The following ERBB4 variants were observed in gnomAD, a reference collection of about 807,000 sequenced individuals.
ERBB4 encodes the protein receptor tyrosine-protein kinase erbB-4.
Under a neutral mutation model 158.0 loss-of-function variants are expected in ERBB4, and 42 were observed. The ratio of observed to expected loss-of-function variants is 0.27; its 90% CI spans 0.21 to 0.34. ERBB4 has a LOEUF of 0.34. Among genes scored for constraint, ERBB4 ranks in the 10% least tolerant of loss-of-function variants. The probability of loss-of-function intolerance (pLI) is 1.00; values close to 1 mark genes in which losing one functional copy is unlikely to be tolerated. For synonymous variants in ERBB4, 583 were observed against 558.7 expected (o/e 1.04, Z -0.61); for missense variants, 1,333 against 1,624.1 (o/e 0.82, Z 3.08).
At chr2:212,046,353 C>CAGT (rs1368947948) in intron 2 of ERBB4, among the ~76,000 whole-genome samples, 1 of 152,162 alleles carries the variant, frequency 6.6e-6, no homozygotes, top group Non-Finnish European at 1.5e-5. Context: ...ACATAGTAAA[C>CAGT]AGTAGCACAG....
chr2:211,607,119 A>G (rs2069012108), intron 19 of ERBB4, among the ~76,000 whole-genome samples: 1 of 152,142 alleles, frequency 6.6e-6, no homozygotes, highest in Non-Finnish European at 1.5e-5. Context: ...GGGCCCTTAG[A>G]TCTTAATTAT....
chr2:211,428,376 C>T (rs368063037), intron 22 of ERBB4, 32 bp downstream of exon 22: 2 of 1,301,946 alleles, frequency 1.5e-6, no homozygotes, highest in Non-Finnish European at 2.2e-6. Context: ...TTTTGCTTTA[C>T]AAGCTTTAAT....
At chr2:211,448,326 A>G (rs2064161666) in intron 20 of ERBB4, among the ~76,000 whole-genome samples, 1 of 152,088 alleles carries the variant, frequency 6.6e-6, no homozygotes, top group South Asian at 2.1e-4. Context: ...ACTCTGCTGG[A>G]TTTTCCAGCT....
At chr2:211,818,472 A>C (rs2105934890) in intron 3 of ERBB4, among the ~76,000 whole-genome samples, 1 of 152,224 alleles carries the variant, frequency 6.6e-6, no homozygotes, top group East Asian at 1.9e-4. Flanking sequence ...TGTGCTAGTT[A>C]GATAAATGTG....
chr2:212,075,751 T>A (rs2078255832), intron 2 of ERBB4, among the ~76,000 whole-genome samples: 1 of 151,918 alleles, frequency 6.6e-6, no homozygotes, highest in African/African-American at 2.4e-5. Context: ...CCCATATAAC[T>A]TACTAAGAAG....
intron 11 of ERBB4, 29 bp from the exon 12 acceptor site, chr2:211,702,195 C>A (rs1258546152): frequency 6.5e-7 from 1 of 1,541,252 alleles, no homozygotes; most frequent in South Asian, 1.1e-5. Flanking sequence ...GAAAACGGAA[C>A]CATGAAACGC....
intron 19 of ERBB4, among the ~76,000 whole-genome samples, chr2:211,565,366 C>CAAAAAGTTAGCATATGATACATAGGCT (rs2067516910): frequency 1.3e-5 from 2 of 151,836 alleles, no homozygotes; most frequent in East Asian, 3.9e-4. Context: ...TTGCTGGTTG[C>CAAAAAGTTAGCATATGATACATAGGCT]AAAAAGTTAG....
At chr2:212,101,628 C>T (rs2079086314) in intron 2 of ERBB4, among the ~76,000 whole-genome samples, 1 of 151,710 alleles carries the variant, frequency 6.6e-6, no homozygotes, top group African/African-American at 2.4e-5. Flanking sequence ...CTCTTATCAC[C>T]CTGAACTGAA....
intron 3 of ERBB4, among the ~76,000 whole-genome samples, chr2:211,941,141 G>C (rs925846952): frequency 6.6e-6 from 1 of 151,974 alleles, no homozygotes; most frequent in Non-Finnish European, 1.5e-5. Context: ...GGACTCTTCC[G>C]AAGAATGTGC....
chr2:212,066,960 A>G (rs1469194273), intron 2 of ERBB4, among the ~76,000 whole-genome samples: 1 of 152,006 alleles, frequency 6.6e-6, no homozygotes, highest in African/African-American at 2.4e-5. Context: ...AATTAATTAC[A>G]TTAGACTGAA....
At chr2:211,678,747 A>C (rs950760528) in intron 13 of ERBB4, among the ~76,000 whole-genome samples, 9 of 151,876 alleles carry the variant, frequency 5.9e-5, no homozygotes, top group African/African-American at 2.2e-4. Flanking sequence ...CAGGCGGATC[A>C]CTAGGTTAGG....
intron 20 of ERBB4, among the ~76,000 whole-genome samples, chr2:211,449,614 A>G (rs2064193958): frequency 6.6e-6 from 1 of 152,174 alleles, no homozygotes; most frequent in African/African-American, 2.4e-5. Flanking sequence ...CCTTATCCCT[A>G]ATTAATATGT....
chr2:212,344,265 A>C (rs2088865090), intron 1 of ERBB4, among the ~76,000 whole-genome samples: 1 of 152,156 alleles, frequency 6.6e-6, no homozygotes, highest in African/African-American at 2.4e-5. Context: ...TGTGGGGACT[A>C]TCCTGTGCAT....
In ERBB4 at chr2:212,327,008, G is replaced by C. The variant is rs189572313; in HGVS notation, c.83-202105C>G. On this transcript the variant is annotated intron_variant, in intron 1 of 27. Coordinates refer to ENST00000342788, the MANE Select transcript of ERBB4 (RefSeq NM_005235.3). ...TATTCATTGAGATGTTAATAGCCTT[G>C]GTACCTTATAATGGAAAAAGAGAGA... 2.5e-3 allele frequency among the ~76,000 whole-genome samples: 373 copies of C among 150,676 alleles called. 7 individuals are homozygous for C. The highest frequency in any genetic ancestry group is 8.7e-3 in the African/African-American group (362 of 41,374).
At chr2:211,421,274 T>C (rs1314398475) in intron 24 of ERBB4, among the ~76,000 whole-genome samples, 5 of 151,432 alleles carry the variant, frequency 3.3e-5, no homozygotes, top group African/African-American at 1.2e-4. Context: ...ATAAGTATCT[T>C]CTAAAACCTA....
At chr2:211,946,576 C>CTCTTTTTTTTTTTTTTTTTT (rs1469968699) in intron 3 of ERBB4, among the ~76,000 whole-genome samples, 1 of 49,568 alleles carries the variant, frequency 2.0e-5, no homozygotes, top group Non-Finnish European at 3.5e-5. Flanking sequence ...AATTAGCTCT[C>CTCTTTTTTTTTTTTTTTTTT]TTTTTTTTTT....
chr2:212,138,044 A>G (rs189058901), intron 1 of ERBB4, among the ~76,000 whole-genome samples: 1 of 152,350 alleles, frequency 6.6e-6, no homozygotes, highest in African/African-American at 2.4e-5. Context: ...ATAACATTTT[A>G]CATTCTAAGA....
intron 5 of ERBB4, among the ~76,000 whole-genome samples, chr2:211,743,621 C>T (rs183590754): frequency 3.3e-5 from 5 of 152,272 alleles, no homozygotes; most frequent in East Asian, 3.9e-4. Context: ...TCATAGGTTA[C>T]GACTCAGTTC....
intron 16 of ERBB4, among the ~76,000 whole-genome samples, chr2:211,653,477 G>GCC (rs1378086488): frequency 1.1e-3 from 66 of 58,186 alleles, no homozygotes; most frequent in African/African-American, 4.2e-3. Context: ...CCCCGCACCC[G>GCC]CCCCCCCCCA....
Sources: allele counts gnomAD v4.1 joint callset (sites outside exome capture counted in the v4.1 genomes callset), GRCh38; gene constraint gnomAD v4.1.1; transcripts MANE v1.5; gene names NCBI Gene and HGNC (gene_info 2026-07-23, HGNC 2026-07-21).